The following OTC variants were observed in gnomAD, a reference collection of about 807,000 sequenced individuals.
OTC encodes the protein ornithine transcarbamylase, mitochondrial.
In OTC, 3 loss-of-function variants were observed where a neutral mutation model predicts 30.3. The ratio of observed to expected loss-of-function variants is 0.10; its 90% CI spans 0.05 to 0.26. OTC has a LOEUF of 0.26. OTC is among the 10% of genes least tolerant of loss of function. The pLI is 1.00. For synonymous variants in OTC, 111 were observed against 99.7 expected (o/e 1.11, Z -0.67); for missense variants, 194 against 260.3 (o/e 0.75, Z 1.75).
chrX:38,371,418 T>C (rs1000367867), intron 3 of OTC, among the ~76,000 whole-genome samples: 2 of 111,891 alleles, frequency 1.8e-5, no homozygotes, highest in East Asian at 2.8e-4. Flanking sequence ...ACTGCCCAAA[T>C]GAGCAATCAG....
chrX:38,332,504 T>TTATATATATATATATATA, the OTC span, among the ~76,000 whole-genome samples: 2,993 of 38,883 alleles, frequency 0.077, 328 homozygotes, highest in Non-Finnish European at 0.1. Context: ...GCCCTAGATT[T>TTATATATATATATATATA]TATATATATA....
At chrX:38,371,011 G>T (rs890101015) in intron 3 of OTC, among the ~76,000 whole-genome samples, 1 of 111,551 alleles carries the variant, frequency 9.0e-6, no homozygotes, top group African/African-American at 3.3e-5. Context: ...AGCAAGACAG[G>T]TTGTCCTCAG....
chrX:38,367,260 A>T (rs750152681), intron 1 of OTC, 31 bp from the exon 2 acceptor site: 10 of 1,166,698 alleles, frequency 8.6e-6, no homozygotes, highest in Non-Finnish European at 1.2e-5. Flanking sequence ...TCTGAAATAC[A>T]TATTTCTCCC....
chrX:38,335,214 T>C, the OTC span, among the ~76,000 whole-genome samples: 1 of 112,259 alleles, frequency 8.9e-6, no homozygotes, highest in Non-Finnish European at 1.9e-5. Flanking sequence ...TTTAGTAATC[T>C]GGGCAAGCTG....
intron 9 of OTC, among the ~76,000 whole-genome samples, chrX:38,417,186 A>T (rs745946443): frequency 8.9e-6 from 1 of 111,894 alleles, no homozygotes; most frequent in South Asian, 3.7e-4. Flanking sequence ...AACGTTCTTT[A>T]TTATACCTAG....
At chrX:38,344,882 T>C in the OTC span, among the ~76,000 whole-genome samples, 1 of 103,489 alleles carries the variant, frequency 9.7e-6, no homozygotes, top group Non-Finnish European at 2.0e-5. Context: ...ATTAAGAAAA[T>C]AAACAATTCA....
At chrX:38,337,462 A>G in the OTC span, among the ~76,000 whole-genome samples, 2 of 111,580 alleles carry the variant, frequency 1.8e-5, no homozygotes, top group Non-Finnish European at 3.8e-5. Flanking sequence ...CCAGTCTCTA[A>G]TCTTGTTCCT....
chrX:38,383,397 A>T (rs2068385907), intron 4 of OTC, among the ~76,000 whole-genome samples: 1 of 112,161 alleles, frequency 8.9e-6, no homozygotes, highest in South Asian at 3.7e-4. Flanking sequence ...AAGCTGACTA[A>T]GTCAGGGTTT....
intron 5 of OTC, among the ~76,000 whole-genome samples, chrX:38,402,283 C>T (rs1386474312): frequency 1.3e-5 from 1 of 76,063 alleles, no homozygotes; most frequent in African/African-American, 7.4e-5. Flanking sequence ...TTTAATGCTT[C>T]CCCCTGGGGC....
chrX:38,421,124 A>G lies in OTC; in HGVS notation c.*42A>G, dbSNP rs762795864. 7.4e-5 allele frequency: 70 copies of G among 944,310 alleles called. No individual in the cohort carries two copies. The South Asian group carries it at 1.3e-3, about 18-fold the overall frequency. 77.8% of individuals were successfully genotyped at this position (944,310 alleles called of 1,213,427 possible). A position where few individuals can be genotyped will look rare whatever the true frequency, so the allele number is the denominator to read the frequency against. ...AAGAAAGAAGCAATGTTCTTCAGTAACAGAATGAGTTGGTTTATGGGGAAA... is the reference window on the plus strand; with the variant it reads ...AAGAAAGAAGCAATGTTCTTCAGTAGCAGAATGAGTTGGTTTATGGGGAAA... On this transcript the variant is annotated 3_prime_UTR_variant, in exon 10 of 10. Transcript: ENST00000039007.
chrX:38,333,314 G>T, the OTC span, among the ~76,000 whole-genome samples: 1 of 110,763 alleles, frequency 9.0e-6, no homozygotes, highest in Non-Finnish European at 1.9e-5. Flanking sequence ...AGTGTCATGT[G>T]CCTCTGTGCA....
intron 6 of OTC, among the ~76,000 whole-genome samples, chrX:38,404,411 G>A (rs187172927): frequency 8.9e-6 from 1 of 111,815 alleles, no homozygotes; most frequent in African/African-American, 3.3e-5. Flanking sequence ...GGAGGTTTGA[G>A]GATAGAGGTA....
At chrX:38,355,105 T>C (rs1416582360) in intron 1 of OTC, among the ~76,000 whole-genome samples, 3 of 111,916 alleles carry the variant, frequency 2.7e-5, no homozygotes, top group Non-Finnish European at 5.6e-5. Flanking sequence ...TGCCACAAAA[T>C]AGGAATCGCA....
chrX:38,349,016 A>G (rs2068202263), upstream of OTC, among the ~76,000 whole-genome samples: 1 of 111,982 alleles, frequency 8.9e-6, no homozygotes, highest in African/African-American at 3.2e-5. Context: ...AAGCTCAGGT[A>G]CCAACTCAAA....
At chrX:38,391,212 G>A (rs1008581698) in intron 4 of OTC, among the ~76,000 whole-genome samples, 4 of 110,362 alleles carry the variant, frequency 3.6e-5, no homozygotes, top group Admixed American at 9.7e-5. Context: ...CATGGACACA[G>A]GAAGGGGAAC....
At chrX:38,357,657 A>T (rs1163556073) in intron 1 of OTC, among the ~76,000 whole-genome samples, 2 of 112,493 alleles carry the variant, frequency 1.8e-5, no homozygotes, top group Non-Finnish European at 3.8e-5. Flanking sequence ...CCAGTTTACC[A>T]GAGTTGGAAA....
chrX:38,382,222 G>A lies in OTC; in HGVS notation c.386+793G>A, dbSNP rs189364440. Among the ~76,000 whole-genome samples, 322 of 111,812 alleles carry A rather than the reference G, an allele frequency of 2.9e-3. 1 individual carries two copies. The highest frequency in any genetic ancestry group is 5.4e-3 in the Non-Finnish European group (287 of 53,116). Reference sequence around the variant, plus strand: ...GTAGCTCACTCCCATCTAGATGAAGGGAGAGACGGGGAAAGGCTCTTCCCC... The same window carrying A: ...GTAGCTCACTCCCATCTAGATGAAGAGAGAGACGGGGAAAGGCTCTTCCCC... On this transcript the variant is annotated intron_variant, in intron 4 of 9. Coordinates refer to ENST00000039007, the MANE Select transcript of OTC (RefSeq NM_000531.6).
chrX:38,384,830 C>A (rs918250566), intron 4 of OTC, among the ~76,000 whole-genome samples: 2 of 111,946 alleles, frequency 1.8e-5, no homozygotes, highest in African/African-American at 3.2e-5. Flanking sequence ...GAAAGAAAAC[C>A]GGGCCAGTCT....
chrX:38,346,773 A>G, the OTC span, among the ~76,000 whole-genome samples: 1 of 112,369 alleles, frequency 8.9e-6, no homozygotes, highest in Non-Finnish European at 1.9e-5. Flanking sequence ...GAGAAGATCA[A>G]TATACCAGGG....
Sources: gnomAD v4.1 joint callset for allele counts (sites outside exome capture counted in the v4.1 genomes callset) on GRCh38, gnomAD v4.1.1 for gene constraint, MANE v1.5 for transcripts, NCBI Gene and HGNC (gene_info 2026-07-23, HGNC 2026-07-21) for gene names.